The following TMEM163 variants were observed in gnomAD, a reference collection of about 807,000 sequenced individuals.
The protein encoded by TMEM163 is transmembrane protein 163.
TMEM163 carries 17 observed loss-of-function variants against 29.3 expected under a neutral mutation model. The ratio of observed to expected loss-of-function variants is 0.58; its 90% CI spans 0.40 to 0.87. The LOEUF (loss-of-function observed/expected upper bound fraction) is 0.87. Among genes scored for constraint, TMEM163 ranks in the 40% least tolerant of loss-of-function variants. TMEM163 has a pLI of 0.00. For synonymous variants in TMEM163, 157 were observed against 160.6 expected (o/e 0.98, Z 0.17); for missense variants, 303 against 381.5 (o/e 0.79, Z 1.71).
intron 4 of TMEM163, among the ~76,000 whole-genome samples, chr2:134,507,179 A>T (rs4954151): frequency 6.6e-6 from 1 of 151,970 alleles, no homozygotes; most frequent in South Asian, 2.1e-4. Flanking sequence ...TCTACTAAAA[A>T]TACAAAATTA....
At chr2:134,517,982 T>C (rs1313544592) in intron 4 of TMEM163, among the ~76,000 whole-genome samples, 1 of 152,148 alleles carries the variant, frequency 6.6e-6, no homozygotes, top group Non-Finnish European at 1.5e-5. Context: ...TTTTGGCTGA[T>C]CTTACTTATT....
rs529511594 is a variant in TMEM163, at chr2:134,660,749, A to G, written c.322+52451T>C. 1.1e-4 allele frequency among the ~76,000 whole-genome samples: 17 copies of G among 152,330 alleles called. No homozygotes were observed. The South Asian group carries it at 3.5e-3, about 32-fold the overall frequency. On this transcript the variant is annotated intron_variant, in intron 2 of 7. Transcript: ENST00000281924. ...TTAGACACACCCCAATTGGATCCTC[A>G]TTAGCTGCACAGTCTAAGTGTGCAT...
At chr2:134,643,202 T>C (rs1183141836) in intron 2 of TMEM163, among the ~76,000 whole-genome samples, 2 of 152,062 alleles carry the variant, frequency 1.3e-5, no homozygotes, top group African/African-American at 4.8e-5. Context: ...ATAAGTAATA[T>C]AACAACAACT....
chr2:134,567,637 G>A (rs1413705068), intron 2 of TMEM163, among the ~76,000 whole-genome samples: 1 of 152,150 alleles, frequency 6.6e-6, no homozygotes, highest in Non-Finnish European at 1.5e-5. Flanking sequence ...GTTGCAGTGA[G>A]CCTAGATCAC....
intron 2 of TMEM163, among the ~76,000 whole-genome samples, chr2:134,625,744 C>G (rs1243915030): frequency 1.3e-5 from 2 of 152,208 alleles, no homozygotes; most frequent in African/African-American, 2.4e-5. Flanking sequence ...GACTACGACA[C>G]AGGACAAAAT....
intron 6 of TMEM163, among the ~76,000 whole-genome samples, chr2:134,461,366 G>A (rs1328675229): frequency 6.6e-6 from 1 of 152,178 alleles, no homozygotes; most frequent in East Asian, 1.9e-4. Context: ...TTGAGAACTG[G>A]ATATGAGCAG....
chr2:134,476,616 T>C (rs1024144089), intron 5 of TMEM163, among the ~76,000 whole-genome samples: 2 of 152,172 alleles, frequency 1.3e-5, no homozygotes, highest in Non-Finnish European at 2.9e-5. Flanking sequence ...TAATGTCCAT[T>C]ATTGGAATGT....
chr2:134,465,195 A>AC lies in TMEM163; in HGVS notation c.667+918_667+919insG, dbSNP rs1388736114. On this transcript the variant is annotated intron_variant, in intron 6 of 7. Transcript: ENST00000281924. Reference sequence around the variant, plus strand: ...CATGGTGAGTCCGCATCTTTAAAAAAAAAAAAAACAAAAACAAAACAAAAA... The same window carrying AC: ...CATGGTGAGTCCGCATCTTTAAAAAACAAAAAAAACAAAAACAAAACAAAAA... 1.3e-4 allele frequency among the ~76,000 whole-genome samples: 18 copies of AC among 138,340 alleles called. No homozygotes were observed. The East Asian group carries it at 4.4e-3, about 34-fold the overall frequency. The allele number at this position is 138,340 out of a possible 152,430, so 90.8% of individuals were successfully genotyped here.
At chr2:134,670,231 T>C (rs1683962508) in intron 2 of TMEM163, among the ~76,000 whole-genome samples, 1 of 151,846 alleles carries the variant, frequency 6.6e-6, no homozygotes. Context: ...TACTTCCTAG[T>C]AGAGTAAATG....
chr2:134,569,953 G>A (rs1681383313), intron 2 of TMEM163, among the ~76,000 whole-genome samples: 1 of 152,068 alleles, frequency 6.6e-6, no homozygotes, highest in South Asian at 2.1e-4. Context: ...CCACACCATA[G>A]ACACTCCCTG....
chr2:134,553,023 T>C (rs1052780714), intron 2 of TMEM163, among the ~76,000 whole-genome samples: 4 of 152,178 alleles, frequency 2.6e-5, no homozygotes, highest in African/African-American at 9.7e-5. Flanking sequence ...TTCTGTTTTG[T>C]GCTAAAGCAA....
intron 2 of TMEM163, among the ~76,000 whole-genome samples, chr2:134,666,751 T>A (rs1558984614): frequency 6.6e-6 from 1 of 152,180 alleles, no homozygotes; most frequent in Non-Finnish European, 1.5e-5. Flanking sequence ...TCCTCATCTA[T>A]AAAAAGGAGA....
At chr2:134,715,958 T>C (rs1399414397) in intron 1 of TMEM163, among the ~76,000 whole-genome samples, 1 of 152,230 alleles carries the variant, frequency 6.6e-6, no homozygotes, top group East Asian at 1.9e-4. Context: ...ATCCTTTATT[T>C]ATTTTGGAGA....
At chr2:134,517,580 A>G (rs949703373) in intron 4 of TMEM163, among the ~76,000 whole-genome samples, 2 of 152,194 alleles carry the variant, frequency 1.3e-5, no homozygotes, top group Non-Finnish European at 2.9e-5. Flanking sequence ...TGGAATAGCA[A>G]TATTGCTGGA....
chr2:134,643,877 C>A (rs1400040684), intron 2 of TMEM163, among the ~76,000 whole-genome samples: 1 of 150,504 alleles, frequency 6.6e-6, no homozygotes, highest in Non-Finnish European at 1.5e-5. Context: ...AAGGAATCTT[C>A]AAAAAAGTAA....
At chr2:134,650,595 T>G (rs1200492854) in intron 2 of TMEM163, among the ~76,000 whole-genome samples, 2 of 144,450 alleles carry the variant, frequency 1.4e-5, no homozygotes, top group Admixed American at 6.8e-5. Context: ...TTGTGCAGGT[T>G]AGTTACATAT....
chr2:134,514,127 G>A (rs936588373), intron 4 of TMEM163, among the ~76,000 whole-genome samples: 7 of 152,314 alleles, frequency 4.6e-5, no homozygotes, highest in African/African-American at 1.7e-4. Context: ...ACCTCTTGAT[G>A]GAGGAGTGAC....
At chr2:134,632,679 A>G (rs1682991815) in intron 2 of TMEM163, among the ~76,000 whole-genome samples, 1 of 151,464 alleles carries the variant, frequency 6.6e-6, no homozygotes, top group Non-Finnish European at 1.5e-5. Flanking sequence ...TTATAAGGGC[A>G]TGGACCCCAT....
intron 2 of TMEM163, among the ~76,000 whole-genome samples, chr2:134,635,196 C>T (rs114304406): frequency 6.6e-5 from 10 of 152,338 alleles, no homozygotes; most frequent in African/African-American, 2.4e-4. Context: ...CAATTACAGT[C>T]TCTGACTCCT....
Sources: gnomAD v4.1 joint callset for allele counts (sites outside exome capture counted in the v4.1 genomes callset) on GRCh38, gnomAD v4.1.1 for gene constraint, MANE v1.5 for transcripts, NCBI Gene and HGNC (gene_info 2026-07-23, HGNC 2026-07-21) for gene names.